The following MFHAS1 variants were observed in gnomAD, a reference collection of about 807,000 sequenced individuals.
The protein encoded by MFHAS1 is malignant fibrous histiocytoma-amplified sequence 1.
Under a neutral mutation model 70.4 loss-of-function variants are expected in MFHAS1, and 50 were observed. That is an observed-to-expected ratio of 0.71 (90% CI 0.57 to 0.90). The LOEUF is 0.90. Among genes scored for constraint, MFHAS1 ranks in the 40% least tolerant of loss-of-function variants. The pLI is 0.00. For synonymous variants in MFHAS1, 952 were observed against 620.0 expected (o/e 1.54, Z -7.96); for missense variants, 1,795 against 1,347.6 (o/e 1.33, Z -5.20).
intron 2 of MFHAS1, among the ~76,000 whole-genome samples, chr8:8,793,494 A>T (rs892367599): frequency 2.0e-5 from 3 of 152,214 alleles, no homozygotes; most frequent in Non-Finnish European, 4.4e-5. Context: ...CACAAAAGCC[A>T]GCAATCACCT....
At chr8:8,853,395 C>A (rs905191859) in intron 1 of MFHAS1, among the ~76,000 whole-genome samples, 1 of 147,070 alleles carries the variant, frequency 6.8e-6, no homozygotes, top group African/African-American at 2.5e-5. Flanking sequence ...CTCGTAATTA[C>A]AGTTCCATAA....
At chr8:8,863,454 G>A (rs571396971) in intron 1 of MFHAS1, among the ~76,000 whole-genome samples, 241 of 152,272 alleles carry the variant, frequency 1.6e-3, no homozygotes, top group African/African-American at 5.6e-3. Flanking sequence ...CCTAGATGGA[G>A]CATAAAGAAT....
chr8:8,850,681 C>CA (rs1409156978), intron 1 of MFHAS1, among the ~76,000 whole-genome samples: 1 of 151,984 alleles, frequency 6.6e-6, no homozygotes, highest in African/African-American at 2.4e-5. Flanking sequence ...CTAAAAACCC[C>CA]AAAATTAGCC....
At position 8,868,199 on chromosome 8, in the gene MFHAS1, C is replaced by T. The variant is rs1000284859; in HGVS notation, c.2998+21862G>A. The stretch of plus-strand genomic sequence containing the variant: ...GCTGCAAGGCCTCTGGAAACTCCTG[C>T]TTTATGAATCTAGAATCAATGAATA... On this transcript the variant is annotated intron_variant, in intron 1 of 2. Coordinates refer to ENST00000276282, the MANE Select transcript of MFHAS1 (RefSeq NM_004225.3). 2.0e-5 allele frequency among the ~76,000 whole-genome samples: 3 copies of T among 151,918 alleles called. No individual in the cohort carries two copies. The East Asian group carries it at 5.8e-4, about 29-fold the overall frequency.
intron 1 of MFHAS1, among the ~76,000 whole-genome samples, chr8:8,864,655 C>T (rs1170724864): frequency 6.6e-6 from 1 of 152,104 alleles, no homozygotes; most frequent in Non-Finnish European, 1.5e-5. Context: ...TCATTTGTAC[C>T]AGCTACCCAC....
chr8:8,891,241 G>A lies in MFHAS1; in HGVS notation c.1818C>T (p.Arg606=), dbSNP rs1810013347. 6.2e-7 allele frequency: 1 copy of A among 1,612,288 alleles called. No individual in the cohort carries two copies. Among genetic ancestry groups the A allele is most frequent in the Non-Finnish European group, 8.5e-7 (1 of 1,180,014 alleles). ...TGAGCAGGTATTGAAAATGGGCCTT[G>A]CGCCGTCGAAGGTTCTTGTCCGAAA... ...YGVSDKNLRR[R]KAHFQYLLNH... The change falls in exon 1 of 3, where the codon CGC becomes CGT. Residue 606 remains arginine (R), a synonymous_variant. Transcript: ENST00000276282. The surrounding 1 kb of genome is among the most constrained non-coding windows in gnomAD (Gnocchi z 5.4).
intron 1 of MFHAS1, among the ~76,000 whole-genome samples, chr8:8,851,053 T>C (rs1266481193): frequency 6.6e-6 from 1 of 152,158 alleles, no homozygotes; most frequent in East Asian, 1.9e-4. Context: ...CCAAAAGTCT[T>C]ACATAGGGTC....
chr8:8,851,727 A>G (rs1350294903), intron 1 of MFHAS1, among the ~76,000 whole-genome samples: 1 of 152,250 alleles, frequency 6.6e-6, no homozygotes, highest in Non-Finnish European at 1.5e-5. Flanking sequence ...CTTTAACTAA[A>G]GAATGTATTT....
At chr8:8,833,987 A>G (rs529739284) in intron 1 of MFHAS1, among the ~76,000 whole-genome samples, 1 of 151,988 alleles carries the variant, frequency 6.6e-6, no homozygotes, top group Non-Finnish European at 1.5e-5. Context: ...TTAGCTGGGC[A>G]TGGTGGTACA....
chr8:8,811,483 G>T (rs912526604), intron 1 of MFHAS1, among the ~76,000 whole-genome samples: 9 of 152,004 alleles, frequency 5.9e-5, no homozygotes. Context: ...TCGCCATGTT[G>T]CCCAGCCTGG....
intron 1 of MFHAS1, among the ~76,000 whole-genome samples, chr8:8,825,802 G>A (rs1462990728): frequency 1.3e-5 from 2 of 152,138 alleles, no homozygotes; most frequent in Non-Finnish European, 2.9e-5. Context: ...CATAACAAAG[G>A]CTAAGTAAGA....
intron 1 of MFHAS1, among the ~76,000 whole-genome samples, chr8:8,882,164 T>G (rs1289899775): frequency 6.6e-6 from 1 of 152,136 alleles, no homozygotes; most frequent in African/African-American, 2.4e-5. Context: ...GCAGACCACC[T>G]GAGGTCAGGA....
chr8:8,818,999 G>A (rs1416528693), intron 1 of MFHAS1, among the ~76,000 whole-genome samples: 4 of 152,088 alleles, frequency 2.6e-5, no homozygotes, highest in East Asian at 1.9e-4. Flanking sequence ...ATACAATCTC[G>A]AGTCTTTAGT....
At chr8:8,801,932 G>C (rs952776324) in intron 1 of MFHAS1, among the ~76,000 whole-genome samples, 3 of 152,210 alleles carry the variant, frequency 2.0e-5, no homozygotes, top group Non-Finnish European at 4.4e-5. Context: ...AAAGACTTCA[G>C]AGTGGGGAAC....
intron 1 of MFHAS1, among the ~76,000 whole-genome samples, chr8:8,857,295 G>C (rs1047575153): frequency 2.6e-5 from 4 of 152,176 alleles, no homozygotes; most frequent in South Asian, 2.1e-4. Flanking sequence ...CACAGCACAA[G>C]TTTGCTCCTA....
Position 8,885,730 on chromosome 8 carries a change from G to A in MFHAS1, c.2998+4331C>T, listed in dbSNP as rs536367922. Among the ~76,000 whole-genome samples the A allele has an allele frequency of 2.6e-5, 4 of 152,354 alleles. No individual in the cohort carries two copies. The South Asian group carries it at 8.3e-4, about 32-fold the overall frequency. ...AGCAGGTAAAGACTTTCTTTTCGGA[G>A]CCAGGGTCTTGCCCTGTCGCCCAGG... On this transcript the variant is annotated intron_variant, in intron 1 of 2. Transcript: ENST00000276282.
chr8:8,875,445 TC>T (rs529854284), intron 1 of MFHAS1, among the ~76,000 whole-genome samples: 4 of 152,218 alleles, frequency 2.6e-5, no homozygotes, highest in Non-Finnish European at 5.9e-5. Context: ...GTTTAAAAAA[TC>T]AATATTTGAA....
intron 1 of MFHAS1, among the ~76,000 whole-genome samples, chr8:8,802,921 C>A (rs1806131087): frequency 6.6e-6 from 1 of 152,210 alleles, no homozygotes; most frequent in African/African-American, 2.4e-5. Context: ...TGAGTTGCTG[C>A]TGAACTTGCA....
intron 1 of MFHAS1, among the ~76,000 whole-genome samples, chr8:8,865,390 G>GCAAAAATCAGAAACTCCTGGATA (rs1808819698): frequency 1.3e-5 from 2 of 151,454 alleles, no homozygotes; most frequent in South Asian, 2.1e-4. Flanking sequence ...AACTCAAAAG[G>GCAAAAATCAGAAACTCCTGGATA]CAAAAATCAG....
Sources: gnomAD v4.1 joint callset for allele counts (sites outside exome capture counted in the v4.1 genomes callset) on GRCh38, gnomAD v4.1.1 for gene constraint, Gnocchi (gnomAD v3.1) non-coding constraint, MANE v1.5 for transcripts, NCBI Gene and HGNC (gene_info 2026-07-23, HGNC 2026-07-21) for gene names.